KCNT1: variants seen among roughly 807,000 people sequenced by gnomAD.
The protein encoded by KCNT1 is potassium sodium-activated channel subfamily T member 1.
KCNT1 carries 78 observed loss-of-function variants against 147.8 expected under a neutral mutation model. That is an observed-to-expected ratio of 0.53 (90% CI 0.44 to 0.64). The LOEUF (loss-of-function observed/expected upper bound fraction) is 0.64. Among genes scored for constraint, KCNT1 ranks in the 30% least tolerant of loss-of-function variants. KCNT1 has a pLI of 0.00. For synonymous variants in KCNT1, 867 were observed against 748.8 expected, an observed-to-expected ratio of 1.16 and a Z score of -2.58; for missense variants, 1,419 against 1,750.3, an observed-to-expected ratio of 0.81 and a Z score of 3.38.
chr9:135,732,005 G>T lies in KCNT1; in HGVS notation c.254+17285G>T, dbSNP rs1296783399. Reference sequence around the variant, plus strand: ...ATATATATATATAGAGAGAGAGAGAGAGAGAGAGAGAGAGAGAGAGAGAGA... The same window carrying T: ...ATATATATATATAGAGAGAGAGAGATAGAGAGAGAGAGAGAGAGAGAGAGA... On this transcript the variant is annotated intron_variant, in intron 2 of 30. Transcript: ENST00000371757. 9.6e-3 allele frequency among the ~76,000 whole-genome samples: 782 copies of T among 81,548 alleles called. 3 individuals are homozygous for T. Among genetic ancestry groups the T allele is most frequent in the Non-Finnish European group, 0.014 (526 of 38,684 alleles). 53.5% of individuals were successfully genotyped at this position (81,548 alleles called of 152,430 possible). A position where few individuals can be genotyped will look rare whatever the true frequency, so the allele number is the denominator to read the frequency against.
intron 1 of KCNT1, among the ~76,000 whole-genome samples, chr9:135,708,619 T>C (rs1835352758): frequency 6.6e-6 from 1 of 152,210 alleles, no homozygotes; most frequent in East Asian, 1.9e-4. Context: ...GGCGCAGTCA[T>C]GGCTCACCGC....
At chr9:135,734,990 C>G (rs527782081) in intron 2 of KCNT1, among the ~76,000 whole-genome samples, 2 of 152,192 alleles carry the variant, frequency 1.3e-5, no homozygotes, top group African/African-American at 4.8e-5. Flanking sequence ...CTCAGCAGCA[C>G]GCCCAGGAGA....
Position 135,765,575 on chromosome 9 carries a change from G to T in KCNT1, c.1201-49G>T, listed in dbSNP as rs115401402. On this transcript the variant is annotated intron_variant, in intron 12 of 30. Coordinates refer to ENST00000371757, the MANE Select transcript of KCNT1 (RefSeq NM_020822.3). ...CAGTCCTGAAGGCAGGGCCGCCCGG[G>T]CGGGGCAGGGGCTGGCTCAGAGGGT... The T allele has an allele frequency of 6.5e-4, 1,020 of 1,574,306 alleles. 4 individuals are homozygous for T. In the African/African-American group the frequency reaches 0.012, roughly 19 times the overall value.
chr9:135,782,191 G>A (rs185767328), intron 24 of KCNT1, among the ~76,000 whole-genome samples: 7 of 152,264 alleles, frequency 4.6e-5, no homozygotes, highest in South Asian at 2.1e-4. Context: ...GCGACAGAGC[G>A]AGACCCTGTC....
chr9:135,737,613 C>T (rs1185930785), intron 2 of KCNT1, among the ~76,000 whole-genome samples: 1 of 152,160 alleles, frequency 6.6e-6, no homozygotes, highest in Non-Finnish European at 1.5e-5. Context: ...CCTTCCGGGA[C>T]AAGCATGGGG....
chr9:135,764,114 A>C (rs1321012374), intron 11 of KCNT1, among the ~76,000 whole-genome samples: 1 of 152,176 alleles, frequency 6.6e-6, no homozygotes, highest in African/African-American at 2.4e-5. Context: ...ATAGCACATC[A>C]GCCATGCAGC....
chr9:135,782,481 C>T (rs745422222), intron 24 of KCNT1, among the ~76,000 whole-genome samples: 14 of 152,226 alleles, frequency 9.2e-5, no homozygotes, highest in Non-Finnish European at 1.9e-4. Context: ...CCTGGGGCTG[C>T]ACGGTGCCTG....
At chr9:135,727,232 A>G (rs1361182782) in intron 2 of KCNT1, among the ~76,000 whole-genome samples, 1 of 9,036 alleles carries the variant, frequency 1.1e-4, no homozygotes, top group East Asian at 4.6e-3. Flanking sequence ...TCTCTTTCCC[A>G]TTCTCTCTCC....
At chr9:135,774,308 T>C (rs1021593937) in intron 19 of KCNT1, among the ~76,000 whole-genome samples, 4 of 147,908 alleles carry the variant, frequency 2.7e-5, no homozygotes, top group African/African-American at 1.0e-4. Flanking sequence ...TGTGTGTCTG[T>C]GTGCTGTGTG....
chr9:135,757,527 CTG>C, intron 9 of KCNT1, 146 bp downstream of exon 9: 1 of 692,614 alleles, frequency 1.4e-6, no homozygotes, highest in Middle Eastern at 3.9e-4. Context: ...AGCAGAAACT[CTG>C]TCTCTGCTCC....
intron 23 of KCNT1, 141 bp from the exon 24 acceptor site, chr9:135,779,218 G>C: frequency 4.1e-6 from 2 of 492,524 alleles, no homozygotes; most frequent in South Asian, 4.1e-5. Context: ...CCATAGCCAA[G>C]ACAGTGGGCC....
chr9:135,747,512 C>G (rs774273876), intron 2 of KCNT1, among the ~76,000 whole-genome samples: 1 of 152,084 alleles, frequency 6.6e-6, no homozygotes, highest in Admixed American at 6.5e-5. Context: ...CCAGGCCCAG[C>G]GCAGCCTGGA....
chr9:135,724,553 T>C (rs1342317059), intron 2 of KCNT1, among the ~76,000 whole-genome samples: 2 of 152,234 alleles, frequency 1.3e-5, no homozygotes, highest in Non-Finnish European at 2.9e-5. Flanking sequence ...AGAGGTCAAG[T>C]TGAGTGTCTG....
chr9:135,792,308 A>C lies in KCNT1; in HGVS notation c.*147A>C. The C allele has an allele frequency of 4.6e-6, 5 of 1,083,380 alleles. No homozygotes were observed. Among genetic ancestry groups the C allele is most frequent in the South Asian group, 1.7e-5 (1 of 59,054 alleles). The allele number at this position is 1,083,380 out of a possible 1,614,324, so 67.1% of individuals were successfully genotyped here. ...CTCCTGGGACTCCACCCTGGAAAGGAGCCCCTCATGCGGGGGGAGGGCCAG... is the reference window on the plus strand; with the variant it reads ...CTCCTGGGACTCCACCCTGGAAAGGCGCCCCTCATGCGGGGGGAGGGCCAG... On this transcript the variant is annotated 3_prime_UTR_variant, in exon 31 of 31. Coordinates refer to ENST00000371757, the MANE Select transcript of KCNT1 (RefSeq NM_020822.3).
intron 24 of KCNT1, among the ~76,000 whole-genome samples, chr9:135,780,882 A>T (rs1177597784): frequency 6.6e-6 from 1 of 152,212 alleles, no homozygotes; most frequent in Admixed American, 6.5e-5. Flanking sequence ...GTGGACAGGG[A>T]TGCTGCCGTG....
chr9:135,785,330 G>C lies in KCNT1; in HGVS notation c.3177G>C (p.Gln1059His), dbSNP rs1186079298. ...STSEPHDLRA[Q>H]SQISVNVEDC... Reference sequence around the variant, plus strand: ...TGCAGCCCCACGACCTCAGAGCCCAGGTAAGCAACCCCTCCGTGCCCACGC... The same window carrying C: ...TGCAGCCCCACGACCTCAGAGCCCACGTAAGCAACCCCTCCGTGCCCACGC... Residue 1059 changes from glutamine to histidine, a missense_variant and splice_region_variant, in exon 28 of 31, where the codon CAG becomes CAC. By Grantham distance (24) the Gln-to-His change is conservative (BLOSUM62 0). Coordinates refer to ENST00000371757, the MANE Select transcript of KCNT1 (RefSeq NM_020822.3). 1.9e-6 allele frequency: 3 copies of C among 1,613,038 alleles called. No individual in the cohort carries two copies. Among genetic ancestry groups the C allele is most frequent in the Non-Finnish European group, 2.5e-6 (3 of 1,179,956 alleles).
At chr9:135,785,427 C>T (rs1421355429) in intron 28 of KCNT1, 97 bp downstream of exon 28, 1 of 1,414,970 alleles carries the variant, frequency 7.1e-7, no homozygotes, top group Non-Finnish European at 9.6e-7. Context: ...ACCCACCCAC[C>T]CACAGGGCCC....
intron 2 of KCNT1, among the ~76,000 whole-genome samples, chr9:135,741,383 G>A (rs1830561248): frequency 6.6e-6 from 1 of 152,234 alleles, no homozygotes; most frequent in South Asian, 2.1e-4. Flanking sequence ...GCTGCCATGG[G>A]CTGAGGCACT....
At chr9:135,713,826 C>T (rs1350778170) in intron 1 of KCNT1, among the ~76,000 whole-genome samples, 1 of 152,208 alleles carries the variant, frequency 6.6e-6, no homozygotes, top group Non-Finnish European at 1.5e-5. Flanking sequence ...CCTGCTTGGG[C>T]CCCCAAGAAC....
Sources: allele counts gnomAD v4.1 joint callset (sites outside exome capture counted in the v4.1 genomes callset), GRCh38; gene constraint gnomAD v4.1.1; transcripts MANE v1.5; gene names NCBI Gene and HGNC (gene_info 2026-07-23, HGNC 2026-07-21).